RASA2: variants seen among roughly 807,000 people sequenced by gnomAD.
RASA2 encodes the protein RAS p21 protein activator 2, also known as ras GTPase-activating protein 2.
A neutral mutation model predicts 118.2 loss-of-function variants in RASA2; 155 were observed. The ratio of observed to expected loss-of-function variants is 1.31; its 90% CI spans 1.15 to 1.50. RASA2 has a LOEUF of 1.50. RASA2 is among the 40% of genes most tolerant of loss of function. The pLI, the probability that RASA2 is intolerant of heterozygous loss-of-function variation, is 0.00. For missense variants in RASA2, 1,016 were observed against 1,009.6 expected, an observed-to-expected ratio of 1.01 and a Z score of -0.09; for synonymous variants, 353 against 349.1, an observed-to-expected ratio of 1.01 and a Z score of -0.12.
chr3:141,534,663 T>C (rs1429232887), intron 4 of RASA2, among the ~76,000 whole-genome samples: 1 of 152,130 alleles, frequency 6.6e-6, no homozygotes, highest in Non-Finnish European at 1.5e-5. Flanking sequence ...TGATTATAGC[T>C]AATAATAAAT....
chr3:141,608,414 C>T, intron 20 of RASA2, 75 bp from the exon 21 acceptor site: 1 of 1,410,572 alleles, frequency 7.1e-7, no homozygotes, highest in Non-Finnish European at 1.0e-6. Context: ...CCTTTAGGTA[C>T]TTTTCTTCTG....
chr3:141,542,707 G>A (rs1045387241), intron 5 of RASA2, among the ~76,000 whole-genome samples: 16 of 151,962 alleles, frequency 1.1e-4, no homozygotes. Context: ...GTTGATTTGT[G>A]TAACTACCAC....
At chr3:141,554,100 T>A (rs1234164011) in intron 6 of RASA2, among the ~76,000 whole-genome samples, 160 bp downstream of exon 6, 1 of 152,192 alleles carries the variant, frequency 6.6e-6, no homozygotes, top group Non-Finnish European at 1.5e-5. Flanking sequence ...TATACACTTG[T>A]CAATAACAAA....
chr3:141,526,054 A>G (rs960212805), intron 3 of RASA2: 4 of 152,202 alleles, frequency 2.6e-5, no homozygotes, highest in African/African-American at 9.7e-5. Flanking sequence ...ACAAACAGGC[A>G]TGCCTTGGTT....
chr3:141,507,648 A>G (rs1255374645), intron 1 of RASA2, among the ~76,000 whole-genome samples: 1 of 152,154 alleles, frequency 6.6e-6, no homozygotes, highest in Non-Finnish European at 1.5e-5. Context: ...GCCTACCACA[A>G]CCTGTACTGC....
At chr3:141,514,199 A>G (rs1172170525) in intron 2 of RASA2, among the ~76,000 whole-genome samples, 1 of 152,186 alleles carries the variant, frequency 6.6e-6, no homozygotes, top group Non-Finnish European at 1.5e-5. Flanking sequence ...AAAAACAAAA[A>G]CCCTGATAAC....
At chr3:141,558,783 C>T (rs1481366945) in intron 7 of RASA2, 103 bp from the exon 8 acceptor site, 2 of 913,198 alleles carry the variant, frequency 2.2e-6, no homozygotes, top group African/African-American at 1.7e-5. Flanking sequence ...ACATTTTCCT[C>T]TGCTTTTATC....
At chr3:141,571,192 A>T (rs1577758472) in intron 10 of RASA2, 124 bp downstream of exon 10, 1 of 1,105,812 alleles carries the variant, frequency 9.0e-7, no homozygotes, top group East Asian at 2.6e-5. Context: ...ATACATACAT[A>T]TATATACACA....
intron 9 of RASA2, among the ~76,000 whole-genome samples, chr3:141,565,059 C>T (rs570742906): frequency 3.9e-5 from 6 of 152,270 alleles, no homozygotes; most frequent in Non-Finnish European, 8.8e-5. Context: ...AATCTTGGCT[C>T]AGTGCAACCT....
At position 141,556,343 on chromosome 3, in the gene RASA2, T is replaced by G. The variant is rs527988912; in HGVS notation, c.684+431T>G. 3.0e-4 allele frequency among the ~76,000 whole-genome samples: 45 copies of G among 151,632 alleles called. 1 individual carries two copies. The highest frequency in any genetic ancestry group is 9.1e-4 in the African/African-American group (38 of 41,548). On this transcript the variant is annotated intron_variant, in intron 7 of 23. Coordinates refer to ENST00000286364, the MANE Select transcript of RASA2 (RefSeq NM_006506.5). ...AGAGTCACTAAATGTGACTCAAGTT[T>G]CTTATCCTGTGAAAGAATAATCGGA...
intron 7 of RASA2, 144 bp downstream of exon 7, chr3:141,556,056 G>A (rs572783592): frequency 1.5e-6 from 1 of 662,146 alleles, no homozygotes; most frequent in East Asian, 3.0e-5. Context: ...GTAGAACCAT[G>A]GTGTGATGCA....
chr3:141,502,026 G>C (rs2081790399), intron 1 of RASA2, among the ~76,000 whole-genome samples: 1 of 152,132 alleles, frequency 6.6e-6, no homozygotes, highest in Non-Finnish European at 1.5e-5. Flanking sequence ...GCAAAACTGA[G>C]CACCAACATG....
intron 19 of RASA2, among the ~76,000 whole-genome samples, chr3:141,602,915 A>G (rs750752573): frequency 1.3e-5 from 2 of 152,176 alleles, no homozygotes; most frequent in Non-Finnish European, 2.9e-5. Context: ...GGATCTGGCA[A>G]GTTTATTATC....
chr3:141,515,689 C>T (rs1415745111), intron 2 of RASA2, among the ~76,000 whole-genome samples: 2 of 151,894 alleles, frequency 1.3e-5, no homozygotes, highest in African/African-American at 4.8e-5. Context: ...ATTGCAAGGT[C>T]AAGAGATTGA....
chr3:141,499,993 A>T (rs1011783966), intron 1 of RASA2, among the ~76,000 whole-genome samples: 2 of 152,122 alleles, frequency 1.3e-5, no homozygotes, highest in African/African-American at 2.4e-5. Flanking sequence ...TTGCTTGACA[A>T]CTGAGTTATC....
At chr3:141,522,984 C>T (rs913919956) in intron 3 of RASA2, among the ~76,000 whole-genome samples, 4 of 152,056 alleles carry the variant, frequency 2.6e-5, no homozygotes, top group Admixed American at 2.6e-4. Flanking sequence ...CCTGGGTTGG[C>T]GGAACACTGG....
chr3:141,541,594 C>T (rs760745633), intron 5 of RASA2, among the ~76,000 whole-genome samples: 21 of 151,954 alleles, frequency 1.4e-4, no homozygotes, highest in Non-Finnish European at 2.9e-4. Context: ...TTTTAAAAAT[C>T]TATAGTTATT....
At position 141,581,178 on chromosome 3, in the gene RASA2, G is replaced by T; in HGVS notation, c.1752+1G>T. 1 of 1,490,488 alleles carries T rather than the reference G, an allele frequency of 6.7e-7. No individual in the cohort carries two copies. The highest frequency in any genetic ancestry group is 8.9e-7 in the Non-Finnish European group (1 of 1,123,320). The allele number at this position is 1,490,488 out of a possible 1,614,324, so 92.3% of individuals were successfully genotyped here. ...AGGATATATTATAGCAGTTAAAAAGGTATGATGGTTTTATTCTGGAATTGT... is the reference window on the plus strand; with the variant it reads ...AGGATATATTATAGCAGTTAAAAAGTTATGATGGTTTTATTCTGGAATTGT... On this transcript the variant is annotated splice_donor_variant, in intron 17 of 23. Transcript: ENST00000286364. LOFTEE classifies it high-confidence loss of function.
At chr3:141,531,487 T>C (rs1241362279) in intron 4 of RASA2, among the ~76,000 whole-genome samples, 1 of 151,574 alleles carries the variant, frequency 6.6e-6, no homozygotes, top group Non-Finnish European at 1.5e-5. Context: ...TATATATGTA[T>C]ATATATACAC....
Sources: allele counts gnomAD v4.1 joint callset (sites outside exome capture counted in the v4.1 genomes callset), GRCh38; gene constraint gnomAD v4.1.1; transcripts MANE v1.5; gene names NCBI Gene and HGNC (gene_info 2026-07-23, HGNC 2026-07-21).